BCL7C: variants seen among roughly 807,000 people sequenced by gnomAD.
BCL7C encodes B-cell CLL/lymphoma 7 protein family member C.
A neutral mutation model predicts 26.2 loss-of-function variants in BCL7C; 8 were observed. The observed-to-expected ratio is 0.30, with a 90% confidence interval of 0.18 to 0.55. The LOEUF is 0.55. Among genes scored for constraint, BCL7C ranks in the 20% least tolerant of loss-of-function variants. The pLI, the probability that BCL7C is intolerant of heterozygous loss-of-function variation, is 0.93. For missense variants in BCL7C, 262 were observed against 298.5 expected, an observed-to-expected ratio of 0.88 and a Z score of 0.90; for synonymous variants, 90 against 116.5, an observed-to-expected ratio of 0.77 and a Z score of 1.47.
chr16:30,876,245 T>C (rs2054948540), intron 5 of BCL7C: 1 of 152,252 alleles, frequency 6.6e-6, no homozygotes, highest in Admixed American at 6.5e-5. Context: ...ATTATGCCAC[T>C]TGCTGGGTAT....
chr16:30,856,310 G>A (rs944290209), intron 5 of BCL7C, among the ~76,000 whole-genome samples: 3 of 149,656 alleles, frequency 2.0e-5, no homozygotes, highest in African/African-American at 7.4e-5. Flanking sequence ...GCATGGTGGC[G>A]GGCACCTGTA....
intron 5 of BCL7C, among the ~76,000 whole-genome samples, chr16:30,856,004 T>C (rs7195076): frequency 0.98 from 146,699 of 149,360 alleles, 72,081 homozygotes; most frequent in Middle Eastern, 1. Flanking sequence ...GGAGGTTGCA[T>C]TGAGCCAAGA....
chr16:30,874,055 G>C (rs993551893), intron 5 of BCL7C, among the ~76,000 whole-genome samples: 1 of 148,566 alleles, frequency 6.7e-6, no homozygotes, highest in African/African-American at 2.5e-5. Context: ...GAGTGCAGTG[G>C]TGCGATCTTG....
chr16:30,887,751 A>G, downstream of BCL7C: 2 of 1,469,594 alleles, frequency 1.4e-6, no homozygotes, highest in Non-Finnish European at 9.0e-7. Context: ...AACTGTCTCC[A>G]AAGACCCTCC....
intron 5 of BCL7C, among the ~76,000 whole-genome samples, chr16:30,839,764 C>T (rs895511227): frequency 6.6e-6 from 1 of 152,206 alleles, no homozygotes; most frequent in African/African-American, 2.4e-5. Context: ...AGACTTTGCC[C>T]TTTTGAGACT....
At chr16:30,857,986 A>AAAG (rs529360859) in intron 5 of BCL7C, among the ~76,000 whole-genome samples, 2 of 151,442 alleles carry the variant, frequency 1.3e-5, no homozygotes, top group African/African-American at 2.4e-5. Context: ...AAAAAAAAAA[A>AAAG]AAAGAAAGAA....
At chr16:30,884,241 A>T (rs1476598079), downstream of BCL7C, among the ~76,000 whole-genome samples, 1 of 151,304 alleles carries the variant, frequency 6.6e-6, no homozygotes, top group Admixed American at 6.6e-5. Flanking sequence ...AATGGGGGAG[A>T]CTCAAACTTT....
downstream of BCL7C, among the ~76,000 whole-genome samples, chr16:30,886,702 T>G (rs1264579045): frequency 6.6e-6 from 1 of 152,002 alleles, no homozygotes; most frequent in East Asian, 1.9e-4. Context: ...GGAAACTCAC[T>G]GAGCCTGGAG....
intron 5 of BCL7C, among the ~76,000 whole-genome samples, chr16:30,868,512 G>A (rs568198532): frequency 2.1e-4 from 31 of 151,032 alleles, no homozygotes; most frequent in Non-Finnish European, 3.4e-4. Flanking sequence ...TAGGCCAGGC[G>A]CGGTGGCTCA....
rs371844312 is a variant in BCL7C, at chr16:30,834,859, C to A, written c.*89G>T. 3.1e-6 allele frequency: 4 copies of A among 1,308,812 alleles called. No homozygotes were observed. In the African/African-American group the frequency reaches 6.0e-5, roughly 20 times the overall value. 81.1% of individuals were successfully genotyped at this position (1,308,812 alleles called of 1,614,324 possible). A position where few individuals can be genotyped will look rare whatever the true frequency, so the allele number is the denominator to read the frequency against. ...TTACCGCGGTGGGTGAGCTGGGAAG[C>A]TCTTTCCGCCCTCGGGGCACAGGTA... On this transcript the variant is annotated 3_prime_UTR_variant, in exon 6 of 6. Coordinates refer to the BCL7C transcript ENST00000380317. This position sits in a 1 kb window ranked among gnomAD's most constrained non-coding sequence, Gnocchi z 4.3.
chr16:30,838,861 A>T (rs1335777408), intron 5 of BCL7C, among the ~76,000 whole-genome samples: 2 of 152,260 alleles, frequency 1.3e-5, no homozygotes, highest in African/African-American at 4.8e-5. Flanking sequence ...CTGGGTATTA[A>T]TAATGCATTA....
At chr16:30,850,014 C>T (rs1382062807) in intron 5 of BCL7C, among the ~76,000 whole-genome samples, 1 of 151,684 alleles carries the variant, frequency 6.6e-6, no homozygotes, top group Non-Finnish European at 1.5e-5. Flanking sequence ...TCAAGACCAT[C>T]CTGGCTAACA....
chr16:30,866,227 T>C (rs1217619851), intron 5 of BCL7C, among the ~76,000 whole-genome samples: 1 of 151,980 alleles, frequency 6.6e-6, no homozygotes, highest in Non-Finnish European at 1.5e-5. Context: ...TTACCATGTA[T>C]CCATAGAGCA....
rs575721804 is a variant in BCL7C, at chr16:30,859,387, C to G, written c.529-24239G>C. Among the ~76,000 whole-genome samples, 6 of 152,212 alleles carry G rather than the reference C, an allele frequency of 3.9e-5. No homozygotes were observed. The South Asian group carries it at 1.2e-3, about 32-fold the overall frequency. On this transcript the variant is annotated intron_variant, in intron 5 of 5. Transcript: ENST00000380317. ...AATCCCAGCACTTTGGGATGCTGAG[C>G]TAGGAGGATCATTTGAGGCTAGCAG...
At chr16:30,861,652 C>T (rs986680682) in intron 5 of BCL7C, among the ~76,000 whole-genome samples, 5 of 152,116 alleles carry the variant, frequency 3.3e-5, no homozygotes, top group African/African-American at 7.2e-5. Context: ...CTGATTGCCT[C>T]GGAAGCCTCC....
At chr16:30,865,489 G>C (rs1326896762) in intron 5 of BCL7C, among the ~76,000 whole-genome samples, 2 of 152,052 alleles carry the variant, frequency 1.3e-5, no homozygotes. Flanking sequence ...GAGGCAGAAG[G>C]ATCCCTTGAG....
rs950462869 is a variant in BCL7C, at chr16:30,856,547, T to C, written c.529-21399A>G. ...TTGTTGCTGCTATTTGTTATGTGAA[T>C]CCCTAGACTAATTCAGTCGCATCTG... On this transcript the variant is annotated intron_variant, in intron 5 of 5. Transcript: ENST00000380317. 2.0e-5 allele frequency among the ~76,000 whole-genome samples: 3 copies of C among 151,766 alleles called. No individual in the cohort carries two copies. The East Asian group carries it at 5.8e-4, about 30-fold the overall frequency.
At chr16:30,868,256 T>G (rs919038718) in intron 5 of BCL7C, among the ~76,000 whole-genome samples, 1 of 149,252 alleles carries the variant, frequency 6.7e-6, no homozygotes, top group African/African-American at 2.5e-5. Flanking sequence ...GCCTCCCGAG[T>G]AGCTGGGACT....
chr16:30,846,029 C>T (rs2054632426), intron 5 of BCL7C, among the ~76,000 whole-genome samples: 2 of 146,568 alleles, frequency 1.4e-5, no homozygotes, highest in East Asian at 2.2e-4. Context: ...TGCTTGAACC[C>T]GGGAGGCAGA....
Sources: gnomAD v4.1 joint callset for allele counts (sites outside exome capture counted in the v4.1 genomes callset) on GRCh38, gnomAD v4.1.1 for gene constraint, Gnocchi (gnomAD v3.1) non-coding constraint, MANE v1.5 for transcripts, NCBI Gene and HGNC (gene_info 2026-07-23, HGNC 2026-07-21) for gene names.